The following HTR2A variants were observed in gnomAD, a reference collection of about 807,000 sequenced individuals.
The protein encoded by HTR2A is 5-hydroxytryptamine receptor 2A.
In HTR2A, 14 loss-of-function variants were observed where a neutral mutation model predicts 31.0. The ratio of observed to expected loss-of-function variants is 0.45; its 90% CI spans 0.30 to 0.71. HTR2A has a LOEUF of 0.71. Ranked by LOEUF, HTR2A falls within the 30% of genes least tolerant of loss-of-function variation. HTR2A has a pLI of 0.09. For missense variants in HTR2A, 442 were observed against 573.3 expected, an observed-to-expected ratio of 0.77 and a Z score of 2.34; for synonymous variants, 209 against 225.2, an observed-to-expected ratio of 0.93 and a Z score of 0.64.
rs1950821391 is a variant in HTR2A, at chr13:46,866,758, G to A, written c.613+25632C>T. ...AGGTAATAAGTAGGCCAGGTACGGT[G>A]GCTCATGCCAGTAATCCCAGAACTT... On this transcript the variant is annotated intron_variant, in intron 3 of 3. Coordinates refer to ENST00000542664, the MANE Select transcript of HTR2A (RefSeq NM_000621.5). Among the ~76,000 whole-genome samples the A allele has an allele frequency of 1.3e-5, 2 of 152,206 alleles. 1 individual carries two copies. The highest frequency in any genetic ancestry group is 4.1e-4 in the South Asian group (2 of 4,824).
chr13:46,845,976 T>C (rs1950639886), intron 3 of HTR2A, among the ~76,000 whole-genome samples: 3 of 152,192 alleles, frequency 2.0e-5, no homozygotes, highest in African/African-American at 7.2e-5. Flanking sequence ...ACTACCATTG[T>C]TATAATTGTC....
At chr13:46,863,394 G>A (rs919779403) in intron 3 of HTR2A, among the ~76,000 whole-genome samples, 10 of 151,978 alleles carry the variant, frequency 6.6e-5, no homozygotes, top group Admixed American at 4.6e-4. Context: ...AGGCTGAGGT[G>A]GAAGGATTGC....
chr13:46,882,301 G>A (rs1232363378), intron 3 of HTR2A, among the ~76,000 whole-genome samples: 1 of 151,888 alleles, frequency 6.6e-6, no homozygotes, highest in East Asian at 1.9e-4. Context: ...TGTGGTGAAC[G>A]ACTAGACAGA....
chr13:46,839,244 A>G (rs548074485), intron 3 of HTR2A, among the ~76,000 whole-genome samples: 2 of 152,176 alleles, frequency 1.3e-5, no homozygotes, highest in Non-Finnish European at 2.9e-5. Flanking sequence ...CATCCTGAAT[A>G]CTATCGTATA....
At position 46,896,849 on chromosome 13, in the gene HTR2A, G is replaced by C; in HGVS notation, c.-504C>G. On this transcript the variant is annotated 5_prime_UTR_variant, in exon 1 of 4. Coordinates refer to ENST00000542664, the MANE Select transcript of HTR2A (RefSeq NM_000621.5). Reference sequence around the variant, plus strand: ...AAAACTGCATGCAAGAGCTGAGCCAGCTCCCGCACTGCTAGGATCCTGTTG... The same window carrying C: ...AAAACTGCATGCAAGAGCTGAGCCACCTCCCGCACTGCTAGGATCCTGTTG... 1 of 1,536,054 alleles carries C rather than the reference G, an allele frequency of 6.5e-7. No homozygotes were observed. The highest frequency in any genetic ancestry group is 8.7e-7 in the Non-Finnish European group (1 of 1,146,378).
intron 3 of HTR2A, among the ~76,000 whole-genome samples, chr13:46,864,078 T>C (rs1031910138): frequency 2.6e-5 from 4 of 152,152 alleles, no homozygotes; most frequent in Admixed American, 1.3e-4. Context: ...CATAGAATAC[T>C]ATGCAGTCAT....
At chr13:46,893,712 G>A (rs908707444) in intron 2 of HTR2A, among the ~76,000 whole-genome samples, 41 of 152,202 alleles carry the variant, frequency 2.7e-4, no homozygotes, top group African/African-American at 9.9e-4. Flanking sequence ...CTGGTTTTGT[G>A]TTTTGGAGGG....
intron 3 of HTR2A, among the ~76,000 whole-genome samples, chr13:46,864,643 G>A (rs1360327580): frequency 6.6e-6 from 1 of 152,182 alleles, no homozygotes; most frequent in Non-Finnish European, 1.5e-5. Flanking sequence ...ATTAAGATAT[G>A]AGAAGTTTGT....
At chr13:46,892,831 C>T (rs1004216188) in intron 2 of HTR2A, among the ~76,000 whole-genome samples, 4 of 152,174 alleles carry the variant, frequency 2.6e-5, no homozygotes, top group African/African-American at 7.2e-5. Flanking sequence ...GAGTGTGGCA[C>T]GGTAAGCTTG....
At chr13:46,878,697 G>A (rs1220748802) in intron 3 of HTR2A, among the ~76,000 whole-genome samples, 1 of 152,166 alleles carries the variant, frequency 6.6e-6, no homozygotes, top group African/African-American at 2.4e-5. Context: ...TGAGGAAGAA[G>A]ACAGATGTGA....
intron 3 of HTR2A, among the ~76,000 whole-genome samples, chr13:46,849,792 G>T (rs1950668597): frequency 6.6e-6 from 1 of 152,168 alleles, no homozygotes; most frequent in Admixed American, 6.6e-5. Flanking sequence ...CACTGTATGA[G>T]ATTATCTTGT....
intron 3 of HTR2A, among the ~76,000 whole-genome samples, chr13:46,872,141 AT>A (rs2138228111): frequency 6.6e-6 from 1 of 152,356 alleles, no homozygotes; most frequent in South Asian, 2.1e-4. Flanking sequence ...ATCAAAGATA[AT>A]GTGAGAGAAA....
chr13:46,855,644 C>G (rs1950730041), intron 3 of HTR2A, among the ~76,000 whole-genome samples: 1 of 152,090 alleles, frequency 6.6e-6, no homozygotes, highest in South Asian at 2.1e-4. Flanking sequence ...TAAAAAAGGC[C>G]TAAGGTGGGA....
chr13:46,870,967 G>A (rs944006886), intron 3 of HTR2A, among the ~76,000 whole-genome samples: 3 of 152,142 alleles, frequency 2.0e-5, no homozygotes, highest in Non-Finnish European at 4.4e-5. Context: ...GAGGTATACA[G>A]CCCATGTGCT....
intron 3 of HTR2A, among the ~76,000 whole-genome samples, chr13:46,868,566 T>C (rs561480140): frequency 2.6e-5 from 4 of 152,288 alleles, no homozygotes; most frequent in South Asian, 4.1e-4. Context: ...TACAGATATA[T>C]CATTTTTACT....
chr13:46,876,581 C>CT (rs1041337840), intron 3 of HTR2A, among the ~76,000 whole-genome samples: 221 of 146,192 alleles, frequency 1.5e-3, no homozygotes, highest in East Asian at 5.4e-3. Flanking sequence ...TACTAATTTT[C>CT]TTTTTTTTTT....
At chr13:46,894,231 G>A (rs1362464740) in intron 2 of HTR2A, among the ~76,000 whole-genome samples, 1 of 152,130 alleles carries the variant, frequency 6.6e-6, no homozygotes, top group Non-Finnish European at 1.5e-5. Context: ...CTCTCAGAGC[G>A]GCGGCCGCCA....
At chr13:46,894,241 A>G (rs993685285) in intron 2 of HTR2A, among the ~76,000 whole-genome samples, 1 of 152,064 alleles carries the variant, frequency 6.6e-6, no homozygotes, top group African/African-American at 2.4e-5. Flanking sequence ...GGCGGCCGCC[A>G]GGGGGCGCCC....
rs184556332 is a variant in HTR2A at position 46,874,144 on chromosome 13, A to T, written c.613+18246T>A. Among the ~76,000 whole-genome samples the T allele has an allele frequency of 2.2e-4, 34 of 152,336 alleles. 1 individual carries two copies. The highest frequency in any genetic ancestry group is 1.0e-3 in the Admixed American group (16 of 15,298). ...GTGTGACTTTCAGCTTTTGCCTGAC[A>T]ATTGGAACGTGAAATTCTCATGGTA... On this transcript the variant is annotated intron_variant, in intron 3 of 3. Coordinates refer to ENST00000542664, the MANE Select transcript of HTR2A (RefSeq NM_000621.5).
Sources: allele counts gnomAD v4.1 joint callset (sites outside exome capture counted in the v4.1 genomes callset), GRCh38; gene constraint gnomAD v4.1.1; transcripts MANE v1.5; gene names NCBI Gene and HGNC (gene_info 2026-07-23, HGNC 2026-07-21).